The following TSKS variants were observed in gnomAD, a reference collection of about 807,000 sequenced individuals.
TSKS encodes the protein testis specific serine kinase substrate, also known as testis-specific serine kinase substrate.
Under a neutral mutation model 68.0 loss-of-function variants are expected in TSKS, and 27 were observed. The observed-to-expected ratio is 0.40, with a 90% CI of 0.29 to 0.55. TSKS has a LOEUF of 0.55. Among genes scored for constraint, TSKS ranks in the 20% least tolerant of loss-of-function variants. The pLI, the probability that TSKS is intolerant of heterozygous loss-of-function variation, is 0.53. For missense variants in TSKS, 806 were observed against 776.0 expected (o/e 1.04, Z -0.46); for synonymous variants, 331 against 340.4 (o/e 0.97, Z 0.30).
At position 49,762,087 on chromosome 19, in the gene TSKS, T is replaced by C; in HGVS notation, c.316A>G (p.Ser106Gly). Residue 106 changes from serine (S) to glycine (G), a missense_variant, in exon 2 of 11, where the codon AGC (serine) becomes GGC (glycine). By Grantham distance (56) the Ser-to-Gly change is moderately conservative. Coordinates refer to ENST00000246801, the MANE Select transcript of TSKS (RefSeq NM_021733.2). ...TGTDSTVEDL[S>G]GQLTLAGPPA... ...GGCCCAGCCAGTGTGAGTTGGCCGCTGAGGTCTTCCACTGTGGAGTCTGTC... is the reference window on the plus strand; with the variant it reads ...GGCCCAGCCAGTGTGAGTTGGCCGCCGAGGTCTTCCACTGTGGAGTCTGTC... The C allele has an allele frequency of 6.2e-7, 1 of 1,614,164 alleles. No individual in the cohort carries two copies. Among genetic ancestry groups the C allele is most frequent in the Non-Finnish European group, 8.5e-7 (1 of 1,180,026 alleles).
chr19:49,745,667 G>T (rs1010243318), intron 6 of TSKS, among the ~76,000 whole-genome samples: 1 of 151,994 alleles, frequency 6.6e-6, no homozygotes, highest in African/African-American at 2.4e-5. Flanking sequence ...GGCTCCTCCA[G>T]ACACTGGCCC....
intron 2 of TSKS, among the ~76,000 whole-genome samples, chr19:49,749,406 A>C (rs2084330068): frequency 6.6e-6 from 1 of 152,124 alleles, no homozygotes; most frequent in African/African-American, 2.4e-5. Context: ...TATATCACAT[A>C]AAGTGTTGTG....
At chr19:49,747,928 C>G (rs1299381860) in intron 4 of TSKS, among the ~76,000 whole-genome samples, 157 bp downstream of exon 4, 1 of 152,136 alleles carries the variant, frequency 6.6e-6, no homozygotes, top group Admixed American at 6.5e-5. Context: ...AGGCTGGTCT[C>G]AAACTCCTGA....
chr19:49,750,262 CTTTTTTTT>C (rs34913477), intron 2 of TSKS, among the ~76,000 whole-genome samples: 4 of 136,222 alleles, frequency 2.9e-5, no homozygotes, highest in Non-Finnish European at 4.8e-5. Context: ...CATTGACATT[CTTTTTTTT>C]TTTTTTTTTG....
chr19:49,749,640 T>G (rs57447259), intron 2 of TSKS, among the ~76,000 whole-genome samples: 32,415 of 151,036 alleles, frequency 0.21, 3,632 homozygotes, highest in African/African-American at 0.27. Flanking sequence ...TGTGTGTGTG[T>G]GGGGGGTCTC....
intron 6 of TSKS, among the ~76,000 whole-genome samples, chr19:49,745,844 G>A (rs192485884): frequency 6.6e-6 from 1 of 152,224 alleles, no homozygotes; most frequent in African/African-American, 2.4e-5. Context: ...CTGCCTTCGG[G>A]GCACTCCCTC....
Position 49,739,942 on chromosome 19 carries a change from G to C in TSKS, c.1623-10C>G. On this transcript the variant is annotated splice_polypyrimidine_tract_variant and intron_variant, in intron 10 of 10. Coordinates refer to ENST00000246801, the MANE Select transcript of TSKS (RefSeq NM_021733.2). ...AGTGGCCATCTTCTCCCTGTCATGA[G>C]GCAGCGGGGAGTTGATGGCGGCATG... 1 of 1,609,378 alleles carries C rather than the reference G, an allele frequency of 6.2e-7. No homozygotes were observed. The highest frequency in any genetic ancestry group is 1.1e-5 in the South Asian group (1 of 90,922).
In TSKS at chr19:49,742,039, C is replaced by G; in HGVS notation, c.1362-19G>C. The G allele has an allele frequency of 6.2e-7, 1 of 1,612,290 alleles. No homozygotes were observed. The highest frequency in any genetic ancestry group is 8.5e-7 in the Non-Finnish European group (1 of 1,179,808). On this transcript the variant is annotated intron_variant, in intron 8 of 10. Transcript: ENST00000246801. Reference sequence around the variant, plus strand: ...CCCCTGGCTGGGGGAGGGGCGGTCACCAGATAAAGAGGCCCAGTACCAACT... The same window carrying G: ...CCCCTGGCTGGGGGAGGGGCGGTCAGCAGATAAAGAGGCCCAGTACCAACT...
In TSKS at chr19:49,748,397, T is replaced by G. The variant is rs759767568; in HGVS notation, c.472A>C (p.Asn158His). 1.2e-6 allele frequency: 2 copies of G among 1,614,216 alleles called. No homozygotes were observed. The highest frequency in any genetic ancestry group is 1.7e-6 in the Non-Finnish European group (2 of 1,180,022). ...ACCTGCAGAGACTGCACGTGCTGGT[T>G]AACCCGGTTGGTCTTTTCCTTCAAG... ...TSLKEKTNRV[N>H]QHVQSLQSEC... Residue 158 changes from asparagine to histidine, a missense_variant, in exon 3 of 11, where the codon AAC becomes CAC. Transcript: ENST00000246801.
In TSKS at chr19:49,761,088, G is replaced by C. The variant is rs185330368; in HGVS notation, c.399+916C>G. Among the ~76,000 whole-genome samples the C allele has an allele frequency of 8.5e-3, 1,178 of 138,980 alleles. 17 individuals carry two copies. The highest frequency in any genetic ancestry group is 0.033 in the African/African-American group (1,121 of 33,962). 91.2% of individuals were successfully genotyped at this position (138,980 alleles called of 152,430 possible). ...GCCTGGGCAACAAGAGCGAAACTCT[G>C]TCTCAATAAATAAATAAATAAATAA... On this transcript the variant is annotated intron_variant, in intron 2 of 10. Transcript: ENST00000246801.
chr19:49,746,350 C>T, intron 6 of TSKS, 120 bp downstream of exon 6: 1 of 1,213,960 alleles, frequency 8.2e-7, no homozygotes, highest in Non-Finnish European at 1.1e-6. Context: ...ATGTCACCGC[C>T]CACCTCAGCT....
chr19:49,750,392 G>A (rs2084340185), intron 2 of TSKS, among the ~76,000 whole-genome samples: 1 of 151,650 alleles, frequency 6.6e-6, no homozygotes. Context: ...CCGAATAGCT[G>A]GGACTACGGG....
At chr19:49,744,053 T>C (rs1443105973) in intron 8 of TSKS, among the ~76,000 whole-genome samples, 178 bp downstream of exon 8, 2 of 152,178 alleles carry the variant, frequency 1.3e-5, no homozygotes, top group East Asian at 1.9e-4. Flanking sequence ...TTCTACCTTG[T>C]AGAGTGGGAA....
chr19:49,741,329 C>T (rs2084250360), intron 9 of TSKS, among the ~76,000 whole-genome samples: 1 of 152,170 alleles, frequency 6.6e-6, no homozygotes, highest in African/African-American at 2.4e-5. Flanking sequence ...TCACCCACTA[C>T]AACATAATCC....
At chr19:49,747,144 C>T (rs73934035) in intron 5 of TSKS, 83,754 of 1,535,384 alleles carry the variant, frequency 0.055, 2,479 homozygotes, top group Middle Eastern at 0.1. Flanking sequence ...CGGGCCTTCT[C>T]ACCTGAAGTC....
intron 6 of TSKS, 69 bp from the exon 7 acceptor site, chr19:49,745,465 T>G: frequency 7.6e-7 from 1 of 1,322,470 alleles, no homozygotes; most frequent in Non-Finnish European, 1.0e-6. Flanking sequence ...CCCCACGAGA[T>G]AGGTGGGACA....
Position 49,740,175 on chromosome 19 carries a change from C to CTCCA in TSKS, c.1502_1505dup (p.Glu502AspfsTer67). ...TGACGTGTTTGGCTAAGGCCTGGCG[C>CTCCA]TCCAGCTCCTGGGGAGAGGAGCGTA... On this transcript the variant is annotated frameshift_variant, in exon 10 of 11. Transcript: ENST00000246801. LOFTEE classifies it high-confidence loss of function. The CTCCA allele has an allele frequency of 1.2e-6, 2 of 1,612,476 alleles. No homozygotes were observed. The highest frequency in any genetic ancestry group is 4.5e-5 in the East Asian group (2 of 44,848).
In TSKS at chr19:49,745,385, G is replaced by A. The variant is rs752990174; in HGVS notation, c.1004C>T (p.Ser335Phe). 6.4e-7 allele frequency: 1 copy of A among 1,567,586 alleles called. No homozygotes were observed. The part of the protein sequence containing the change: ...TGIEELRREV[S>F]SLTARWHQEE... ...CTGATGCCACCGGGCGGTCAGTGAGGACACCTCTCTCCTGGAGGGGCAGAG... is the reference window on the plus strand; with the variant it reads ...CTGATGCCACCGGGCGGTCAGTGAGAACACCTCTCTCCTGGAGGGGCAGAG... Residue 335 changes from serine to phenylalanine, a missense_variant, in exon 7 of 11, where the codon TCC (serine) becomes TTC (phenylalanine). Transcript: ENST00000246801.
chr19:49,741,230 C>T (rs60035851), intron 9 of TSKS, among the ~76,000 whole-genome samples: 9,773 of 152,154 alleles, frequency 0.064, 318 homozygotes, highest in East Asian at 0.1. Context: ...TGGTTCTCTA[C>T]GTACAACTGC....
Sources: allele counts gnomAD v4.1 joint callset (sites outside exome capture counted in the v4.1 genomes callset), GRCh38; gene constraint gnomAD v4.1.1; transcripts MANE v1.5; gene names NCBI Gene and HGNC (gene_info 2026-07-23, HGNC 2026-07-21).